AOAH: variants seen among roughly 807,000 people sequenced by gnomAD.
AOAH encodes the protein acyloxyacyl hydrolase.
Under a neutral mutation model 92.2 loss-of-function variants are expected in AOAH, and 64 were observed. The observed-to-expected ratio is 0.69, with a 90% CI of 0.57 to 0.86. The LOEUF is 0.86. Among genes scored for constraint, AOAH ranks in the 40% least tolerant of loss-of-function variants. The pLI, the probability that AOAH is intolerant of heterozygous loss-of-function variation, is 0.00. For missense variants in AOAH, 656 were observed against 694.6 expected, an observed-to-expected ratio of 0.94 and a Z score of 0.62; for synonymous variants, 263 against 254.5, an observed-to-expected ratio of 1.03 and a Z score of -0.32.
At chr7:36,699,242 T>C (rs1263974147) in intron 1 of AOAH, among the ~76,000 whole-genome samples, 1 of 152,148 alleles carries the variant, frequency 6.6e-6, no homozygotes. Context: ...ATTTTGGCTA[T>C]TGTAAATGGT....
At chr7:36,578,520 C>G (rs1386122436) in intron 12 of AOAH, among the ~76,000 whole-genome samples, 3 of 152,128 alleles carry the variant, frequency 2.0e-5, no homozygotes, top group African/African-American at 7.2e-5. Flanking sequence ...AGCAACCCCA[C>G]ACCTCCCTCC....
chr7:36,690,758 T>C (rs1351629946), intron 1 of AOAH, among the ~76,000 whole-genome samples: 1 of 152,142 alleles, frequency 6.6e-6, no homozygotes, highest in Non-Finnish European at 1.5e-5. Flanking sequence ...TCTCACCTGG[T>C]ATCTGAAAAT....
chr7:36,558,165 T>C (rs559636072), intron 13 of AOAH, among the ~76,000 whole-genome samples: 2 of 152,268 alleles, frequency 1.3e-5, no homozygotes, highest in African/African-American at 2.4e-5. Context: ...GGGTTTTTGG[T>C]GTGGATGTCC....
chr7:36,530,422 A>G lies in AOAH; in HGVS notation c.1518T>C (p.His506=), dbSNP rs766616876. 2.5e-6 allele frequency: 4 copies of G among 1,609,508 alleles called. No homozygotes were observed. The highest frequency in any genetic ancestry group is 1.1e-5 in the South Asian group (1 of 90,976). ...FNLFYMDFAF[H]EIIQEWQKRG... ...TACCCAAACAAAGCTACTTACTTTC[A>G]TGGAAGGCAAAATCCATGTAGAAAA... The change falls in exon 19 of 21, where the codon CAT becomes CAC. Residue 506 remains histidine (H), a synonymous_variant. Transcript: ENST00000617537.
chr7:36,603,942 T>C (rs1049408306), intron 11 of AOAH, among the ~76,000 whole-genome samples: 9 of 152,256 alleles, frequency 5.9e-5, no homozygotes, highest in African/African-American at 2.2e-4. Context: ...TATAGCAAGA[T>C]ACCTTATAGT....
intron 10 of AOAH, 69 bp from the exon 11 acceptor site, chr7:36,616,543 A>T (rs1285063050): frequency 2.5e-6 from 3 of 1,201,464 alleles, no homozygotes; most frequent in Non-Finnish European, 3.7e-6. Context: ...CTGGGTAGAT[A>T]TAAGAGCGGA....
At chr7:36,699,633 A>T (rs201559082) in intron 1 of AOAH, among the ~76,000 whole-genome samples, 8 of 18,710 alleles carry the variant, frequency 4.3e-4, no homozygotes, top group African/African-American at 5.5e-4. Context: ...AAATTGGATT[A>T]TTTGTTTTTT....
At chr7:36,545,729 C>T (rs924270578) in intron 15 of AOAH, among the ~76,000 whole-genome samples, 5 of 152,158 alleles carry the variant, frequency 3.3e-5, no homozygotes, top group African/African-American at 1.2e-4. Flanking sequence ...CAAATGAAAC[C>T]ATATCCATTT....
chr7:36,533,103 T>C (rs1181924359), intron 16 of AOAH, among the ~76,000 whole-genome samples: 1 of 152,216 alleles, frequency 6.6e-6, no homozygotes, highest in Non-Finnish European at 1.5e-5. Flanking sequence ...ACATCAGCTA[T>C]AGTCCCAGAA....
chr7:36,518,327 C>A (rs540955930), intron 20 of AOAH, among the ~76,000 whole-genome samples: 30 of 152,214 alleles, frequency 2.0e-4, no homozygotes, highest in African/African-American at 6.5e-4. Flanking sequence ...CTCCTGTCAG[C>A]CTCCTGAGTA....
chr7:36,661,183 C>T (rs1025892454), intron 3 of AOAH: 2 of 152,172 alleles, frequency 1.3e-5, no homozygotes, highest in Non-Finnish European at 2.9e-5. Context: ...GCCGTAGCTC[C>T]CAGCCAGTTG....
At chr7:36,523,770 T>G (rs1784240503) in intron 19 of AOAH, among the ~76,000 whole-genome samples, 1 of 151,772 alleles carries the variant, frequency 6.6e-6, no homozygotes, top group Non-Finnish European at 1.5e-5. Flanking sequence ...GCTGCGATGC[T>G]GGCCCTGCCT....
intron 19 of AOAH, among the ~76,000 whole-genome samples, chr7:36,523,474 C>T (rs1562860414): frequency 6.6e-6 from 1 of 152,166 alleles, no homozygotes. Context: ...GATGCTTAAA[C>T]AGCACTCACT....
At chr7:36,676,968 G>A (rs71538002) in intron 2 of AOAH, among the ~76,000 whole-genome samples, 2,451 of 151,958 alleles carry the variant, frequency 0.016, 61 homozygotes, top group African/African-American at 0.055. Context: ...AGTGAAAACC[G>A]TAAAATTCAT....
chr7:36,688,853 G>T (rs10224483), intron 1 of AOAH, among the ~76,000 whole-genome samples: 2,762 of 151,718 alleles, frequency 0.018, 93 homozygotes, highest in African/African-American at 0.064. Context: ...ATGTGTATAT[G>T]TATATGTGTA....
chr7:36,585,795 C>T (rs375689814), intron 12 of AOAH, among the ~76,000 whole-genome samples: 125 of 152,280 alleles, frequency 8.2e-4, no homozygotes, highest in African/African-American at 2.8e-3. Flanking sequence ...GATGGAATCA[C>T]ACTAAACTGA....
At chr7:36,599,194 A>G (rs1426959913) in intron 11 of AOAH, among the ~76,000 whole-genome samples, 2 of 152,196 alleles carry the variant, frequency 1.3e-5, no homozygotes, top group East Asian at 3.8e-4. Flanking sequence ...ATTTCCATGC[A>G]TCGAGAAAGC....
chr7:36,543,282 A>G (rs1562552092), intron 15 of AOAH, among the ~76,000 whole-genome samples: 1 of 152,208 alleles, frequency 6.6e-6, no homozygotes, highest in Non-Finnish European at 1.5e-5. Flanking sequence ...TGATTCCCAT[A>G]TGCACAGAAG....
intron 3 of AOAH, among the ~76,000 whole-genome samples, chr7:36,672,295 G>A (rs1006229304): frequency 6.6e-6 from 1 of 152,182 alleles, no homozygotes; most frequent in Admixed American, 6.5e-5. Context: ...GGGGGATGCT[G>A]TCTTGTGAAC....
Sources: allele counts gnomAD v4.1 joint callset (sites outside exome capture counted in the v4.1 genomes callset), GRCh38; gene constraint gnomAD v4.1.1; transcripts MANE v1.5; gene names NCBI Gene and HGNC (gene_info 2026-07-23, HGNC 2026-07-21).